The following ATF7IP variants were observed in gnomAD, a reference collection of about 807,000 sequenced individuals.
ATF7IP encodes activating transcription factor 7-interacting protein 1.
In ATF7IP, 23 loss-of-function variants were observed where a neutral mutation model predicts 106.4. The observed-to-expected ratio is 0.22, with a 90% CI of 0.16 to 0.31. The LOEUF (loss-of-function observed/expected upper bound fraction) is 0.31, where lower values mean the gene tolerates loss of function less well. ATF7IP is among the 10% of genes least tolerant of loss of function. ATF7IP has a pLI of 1.00. For synonymous variants in ATF7IP, 542 were observed against 539.0 expected (o/e 1.01, Z -0.08); for missense variants, 1,334 against 1,524.3 (o/e 0.88, Z 2.08).
intron 2 of ATF7IP, among the ~76,000 whole-genome samples, chr12:14,430,481 C>A (rs927240599): frequency 6.6e-6 from 1 of 152,108 alleles, no homozygotes; most frequent in Non-Finnish European, 1.5e-5. Context: ...ATATTATTTG[C>A]CATTCTGTAT....
chr12:14,442,851 T>A (rs1015636529), intron 5 of ATF7IP, among the ~76,000 whole-genome samples: 1 of 152,086 alleles, frequency 6.6e-6, no homozygotes, highest in Non-Finnish European at 1.5e-5. Flanking sequence ...TGAAATCTGT[T>A]GTATACAAAA....
Position 14,425,414 on chromosome 12 carries a change from A to C in ATF7IP, c.1499A>C (p.Asp500Ala), listed in dbSNP as rs1018608444. The change falls in exon 2 of 15, where the codon GAT becomes GCT. Residue 500 changes from aspartate to alanine, a missense_variant. Physicochemically the swap from Asp to Ala is moderately radical, Grantham distance 126. This residue lies in a region of ATF7IP where 119 missense variants were observed against 117.8 expected (regional missense o/e 1.01). Coordinates refer to ENST00000261168, the MANE Select transcript of ATF7IP (RefSeq NM_018179.5). Reference sequence around the variant, plus strand: ...TTTCTGGTCCTCTCTGATGAAGAGGATATTTCGGGTGAAAAAGATGAGTCT... The same window carrying C: ...TTTCTGGTCCTCTCTGATGAAGAGGCTATTTCGGGTGAAAAAGATGAGTCT... ...EAFLVLSDEE[D>A]ISGEKDESEV... 1 of 1,600,058 alleles carries C rather than the reference A, an allele frequency of 6.2e-7. No homozygotes were observed. Among genetic ancestry groups the C allele is most frequent in the Non-Finnish European group, 8.5e-7 (1 of 1,175,548 alleles).
In ATF7IP at chr12:14,500,559, C is replaced by T. The variant is rs1387335101; in HGVS notation, c.*2486C>T. 2 of 152,096 alleles carry T rather than the reference C, an allele frequency of 1.3e-5. No individual in the cohort carries two copies. Among genetic ancestry groups the T allele is most frequent in the African/African-American group, 4.8e-5 (2 of 41,432 alleles). 9.4% of individuals were successfully genotyped at this position (152,096 alleles called of 1,614,324 possible). A position where few individuals can be genotyped will look rare whatever the true frequency, so the allele number is the denominator to read the frequency against. Reference sequence around the variant, plus strand: ...ATCTGCATGTATATGTTTTGACCTGCAGTGGTTGCAATGTTGATATGTGTT... The same window carrying T: ...ATCTGCATGTATATGTTTTGACCTGTAGTGGTTGCAATGTTGATATGTGTT... On this transcript the variant is annotated 3_prime_UTR_variant, in exon 15 of 15. Transcript: ENST00000261168.
At chr12:14,480,979 A>G (rs536882890) in intron 12 of ATF7IP, 24 bp from the exon 13 acceptor site, 7 of 1,608,218 alleles carry the variant, frequency 4.4e-6, no homozygotes, top group African/African-American at 1.3e-5. Flanking sequence ...TGTATTCTTA[A>G]TATCTTTTTC....
intron 1 of ATF7IP, among the ~76,000 whole-genome samples, chr12:14,398,587 G>A (rs199765045): frequency 2.7e-4 from 41 of 151,518 alleles, no homozygotes; most frequent in East Asian, 2.1e-3. Context: ...GGTTTATTGG[G>A]TATACAGTTC....
chr12:14,438,942 G>A (rs1055477698), intron 5 of ATF7IP, among the ~76,000 whole-genome samples: 2 of 152,084 alleles, frequency 1.3e-5, no homozygotes, highest in African/African-American at 4.8e-5. Context: ...GCTATAATAA[G>A]TACTAAATAA....
At chr12:14,473,739 A>T (rs966955386) in intron 10 of ATF7IP, among the ~76,000 whole-genome samples, 8 of 151,956 alleles carry the variant, frequency 5.3e-5, no homozygotes, top group African/African-American at 1.7e-4. Context: ...GTATCTAAAA[A>T]ATGTACTTTT....
rs1417915424 is a variant in ATF7IP, at chr12:14,478,352, A to T, written c.2977A>T (p.Met993Leu). Residue 993 changes from methionine to leucine, a missense_variant, in exon 12 of 15, where the codon ATG (methionine) becomes TTG (leucine). Met to Leu is a conservative substitution (Grantham distance 15). This residue lies in a region of ATF7IP where 370 missense variants were observed against 401.2 expected (regional missense o/e 0.92). Transcript: ENST00000261168. The stretch of plus-strand genomic sequence containing the variant: ...ACTAAATCACACTCCTGTATCAACC[A>T]TGAGTTCTTCTCAGCCTGTGTCACG... ...KKLNHTPVST[M>L]SSSQPVSRPL... 6.2e-7 allele frequency: 1 copy of T among 1,614,032 alleles called. No individual in the cohort carries two copies.
intron 10 of ATF7IP, among the ~76,000 whole-genome samples, chr12:14,472,458 G>A (rs934366293): frequency 2.8e-4 from 43 of 152,114 alleles, no homozygotes; most frequent in African/African-American, 1.0e-3. Flanking sequence ...CTATTGCCCA[G>A]CTTGAATGTG....
At chr12:14,423,605 T>G (rs1201598729) in intron 1 of ATF7IP, among the ~76,000 whole-genome samples, 1 of 130,828 alleles carries the variant, frequency 7.6e-6, no homozygotes, top group Non-Finnish European at 1.7e-5. Context: ...TTTTACTTTA[T>G]CTACCTTTTT....
chr12:14,454,742 T>A (rs1943358864), intron 6 of ATF7IP, among the ~76,000 whole-genome samples: 1 of 152,188 alleles, frequency 6.6e-6, no homozygotes, highest in Non-Finnish European at 1.5e-5. Context: ...TGTTCTGACA[T>A]GTTGCTGATC....
rs1368512010 is a variant in ATF7IP, at chr12:14,438,244, A to G, written c.1906A>G (p.Lys636Glu). The change falls in exon 5 of 15, where the codon AAA (lysine) becomes GAA (glutamate). Residue 636 changes from lysine (K) to glutamate (E), a missense_variant. Transcript: ENST00000261168. ...VEKIECNKRH[K>E]TVLTELQAKI... ...AAAGATTGAATGTAACAAGAGGCAT[A>G]AAACAGTTCTCACTGAACTACAGGT... is the stretch of plus-strand genomic sequence containing the variant. 6.2e-7 allele frequency: 1 copy of G among 1,612,902 alleles called. No homozygotes were observed. Among genetic ancestry groups the G allele is most frequent in the South Asian group, 1.1e-5 (1 of 91,008 alleles).
At chr12:14,375,602 G>A (rs1938707644) in intron 1 of ATF7IP, among the ~76,000 whole-genome samples, 1 of 152,196 alleles carries the variant, frequency 6.6e-6, no homozygotes, top group Admixed American at 6.5e-5. Flanking sequence ...CCTAAAATCA[G>A]TTAGTTATAC....
chr12:14,387,370 T>C (rs974390091), intron 1 of ATF7IP, among the ~76,000 whole-genome samples: 1 of 152,154 alleles, frequency 6.6e-6, no homozygotes, highest in Non-Finnish European at 1.5e-5. Flanking sequence ...GCTCATTTTC[T>C]TGGTGGCGAG....
At chr12:14,481,743 G>C (rs1206823564) in intron 13 of ATF7IP, 1 of 232,292 alleles carries the variant, frequency 4.3e-6, no homozygotes, top group East Asian at 1.4e-4. Flanking sequence ...ACTCTATTAA[G>C]AAACACCTTA....
chr12:14,418,402 G>C (rs1941314157), intron 1 of ATF7IP, among the ~76,000 whole-genome samples: 1 of 152,076 alleles, frequency 6.6e-6, no homozygotes, highest in Non-Finnish European at 1.5e-5. Context: ...GCTTTTTTCT[G>C]TGAAAATGAA....
In ATF7IP at chr12:14,375,319, G is replaced by A. The variant is rs149618276; in HGVS notation, c.-8+9492G>A. ...CTTTACATATGAAAAATAATAAATA[G>A]TTGCTTTTAGGAAAAACAGTTTTCA... On this transcript the variant is annotated intron_variant, in intron 1 of 14. Transcript: ENST00000261168. 5.1e-3 allele frequency among the ~76,000 whole-genome samples: 770 copies of A among 151,924 alleles called. 3 individuals are homozygous for A. The highest frequency in any genetic ancestry group is 0.015 in the East Asian group (76 of 5,174).
chr12:14,388,693 C>G (rs1191568331), intron 1 of ATF7IP, among the ~76,000 whole-genome samples: 1 of 152,144 alleles, frequency 6.6e-6, no homozygotes, highest in African/African-American at 2.4e-5. Context: ...GTTTCTCAGG[C>G]TGGAGTGCAG....
At position 14,498,211 on chromosome 12, in the gene ATF7IP, T is replaced by C. The variant is rs1173684732; in HGVS notation, c.*138T>C. 5.0e-6 allele frequency: 4 copies of C among 794,654 alleles called. No individual in the cohort carries two copies. In the African/African-American group the frequency reaches 6.9e-5, roughly 14 times the overall value. The allele number at this position is 794,654 out of a possible 1,614,324, so 49.2% of individuals were successfully genotyped here. A position where few individuals can be genotyped will look rare whatever the true frequency, so the allele number is the denominator to read the frequency against. On this transcript the variant is annotated 3_prime_UTR_variant, in exon 15 of 15. Coordinates refer to ENST00000261168, the MANE Select transcript of ATF7IP (RefSeq NM_018179.5). The stretch of plus-strand genomic sequence containing the variant: ...GATGTGTGTATACACTACATTTGTT[T>C]ATAACCAGAAGCAAAATAAACTCAG...
Sources: gnomAD v4.1 joint callset for allele counts (sites outside exome capture counted in the v4.1 genomes callset) on GRCh38, gnomAD v4.1.1 for gene constraint, gnomAD v4.1.1 regional missense constraint, MANE v1.5 for transcripts, NCBI Gene and HGNC (gene_info 2026-07-23, HGNC 2026-07-21) for gene names.